The following RASAL2 variants were observed in gnomAD, a reference collection of about 807,000 sequenced individuals.
RASAL2 encodes the protein RAS protein activator like 2.
RASAL2 carries 58 observed loss-of-function variants against 128.9 expected under a neutral mutation model. The ratio of observed to expected loss-of-function variants is 0.45; its 90% CI spans 0.36 to 0.56. The LOEUF (loss-of-function observed/expected upper bound fraction) is 0.56, where lower values mean the gene tolerates loss of function less well. Ranked by LOEUF, RASAL2 falls within the 20% of genes least tolerant of loss-of-function variation. The pLI is 0.00. For synonymous variants in RASAL2, 561 were observed against 580.8 expected (o/e 0.97, Z 0.49); for missense variants, 1,360 against 1,601.6 (o/e 0.85, Z 2.57).
chr1:178,206,231 G>T (rs1027953197), intron 1 of RASAL2, among the ~76,000 whole-genome samples: 1 of 152,138 alleles, frequency 6.6e-6, no homozygotes, highest in African/African-American at 2.4e-5. Flanking sequence ...ATTCTGTTTT[G>T]TTCTTATACA....
intron 1 of RASAL2, among the ~76,000 whole-genome samples, chr1:178,144,310 T>C (rs1457778316): frequency 6.6e-6 from 1 of 152,206 alleles, no homozygotes; most frequent in East Asian, 1.9e-4. Flanking sequence ...TTTAAGACAC[T>C]TTGTGGGCTA....
At chr1:178,295,109 C>T (rs1667432635) in intron 2 of RASAL2, among the ~76,000 whole-genome samples, 1 of 152,082 alleles carries the variant, frequency 6.6e-6, no homozygotes, top group Admixed American at 6.5e-5. Context: ...TTTATATCTT[C>T]ACACTTAGTA....
chr1:178,216,039 TG>T (rs1306764083), intron 1 of RASAL2, among the ~76,000 whole-genome samples: 2 of 152,194 alleles, frequency 1.3e-5, no homozygotes, highest in Non-Finnish European at 2.9e-5. Context: ...AAAATGCTCT[TG>T]AGACTTTTTG....
At chr1:178,418,416 T>C (rs1674914635) in intron 4 of RASAL2, among the ~76,000 whole-genome samples, 1 of 152,208 alleles carries the variant, frequency 6.6e-6, no homozygotes, top group South Asian at 2.1e-4. Context: ...ATCTTCACAT[T>C]GAGCCTTTTT....
At chr1:178,199,490 A>T (rs1466125799) in intron 1 of RASAL2, among the ~76,000 whole-genome samples, 1 of 152,232 alleles carries the variant, frequency 6.6e-6, no homozygotes, top group Non-Finnish European at 1.5e-5. Context: ...TATATAAAAA[A>T]GTTCACAGGA....
chr1:178,468,580 G>A (rs1007834607), intron 17 of RASAL2, among the ~76,000 whole-genome samples: 2 of 152,212 alleles, frequency 1.3e-5, no homozygotes, highest in African/African-American at 4.8e-5. Context: ...CACTAGACTT[G>A]GAAGTCAGGT....
At position 178,094,264 on chromosome 1, in the gene RASAL2, A is replaced by C. The variant is rs1273838199; in HGVS notation, c.-229A>C. On this transcript the variant is annotated 5_prime_UTR_variant, in exon 1 of 18. Coordinates refer to ENST00000367649, the MANE Select transcript of RASAL2 (RefSeq NM_170692.4). ...CCACCCTTGGTCGGGGCCACGCTGG[A>C]TCCTCCTCCCGGCCTGGGTCCCGCC... 1.9e-6 allele frequency: 1 copy of C among 534,742 alleles called. No individual in the cohort carries two copies. The highest frequency in any genetic ancestry group is 2.0e-5 in the African/African-American group (1 of 48,838). 33.1% of individuals were successfully genotyped at this position (534,742 alleles called of 1,614,324 possible).
At chr1:178,390,044 G>T in intron 3 of RASAL2, 56 bp from the exon 4 acceptor site, 4 of 1,143,948 alleles carry the variant, frequency 3.5e-6, no homozygotes, top group Non-Finnish European at 5.1e-6. Flanking sequence ...CAGTTCAGTG[G>T]AAGATCCTAA....
intron 2 of RASAL2, among the ~76,000 whole-genome samples, chr1:178,291,976 C>T (rs1249682511): frequency 7.4e-6 from 1 of 135,322 alleles, no homozygotes; most frequent in Non-Finnish European, 1.5e-5. Context: ...GTGGAGGTTG[C>T]AGTAAGTTGA....
In RASAL2 at chr1:178,457,829, G is replaced by T; in HGVS notation, c.2537G>T (p.Arg846Leu). 6.2e-7 allele frequency: 1 copy of T among 1,614,178 alleles called. No homozygotes were observed. The highest frequency in any genetic ancestry group is 8.5e-7 in the Non-Finnish European group (1 of 1,180,034). ...AGGGAAAGTAGCCTTCCTAATGGTCGGAGCGTCTCCCTCATGGACCTCCAG... is the reference window on the plus strand; with the variant it reads ...AGGGAAAGTAGCCTTCCTAATGGTCTGAGCGTCTCCCTCATGGACCTCCAG... ...DERESSLPNG[R>L]SVSLMDLQDT... The change falls in exon 14 of 18, where the codon CGG (arginine) becomes CTG (leucine). Residue 846 changes from arginine (R) to leucine (L), a missense_variant. By Grantham distance (102) the Arg-to-Leu change is moderately radical. This residue lies in a region of RASAL2 where 741 missense variants were observed against 868.6 expected (regional missense o/e 0.85). Transcript: ENST00000367649.
chr1:178,233,178 C>T (rs188707814), intron 1 of RASAL2, among the ~76,000 whole-genome samples: 12 of 152,308 alleles, frequency 7.9e-5, no homozygotes, highest in Admixed American at 7.2e-4. Flanking sequence ...AAGAAAGCTG[C>T]TTAAGCAGTC....
At chr1:178,250,773 C>T (rs1175790023) in intron 1 of RASAL2, among the ~76,000 whole-genome samples, 1 of 152,152 alleles carries the variant, frequency 6.6e-6, no homozygotes, top group African/African-American at 2.4e-5. Flanking sequence ...TATAAGCAAA[C>T]ACCTTACTAT....
intron 3 of RASAL2, among the ~76,000 whole-genome samples, chr1:178,361,281 AT>A (rs201030571): frequency 2.0e-5 from 3 of 151,460 alleles, no homozygotes; most frequent in Non-Finnish European, 4.4e-5. Flanking sequence ...TGATTGTGGT[AT>A]TTTTTTTTCA....
At chr1:178,120,819 T>A (rs1158216045) in intron 1 of RASAL2, 2 of 152,290 alleles carry the variant, frequency 1.3e-5, no homozygotes, top group African/African-American at 2.4e-5. Context: ...CAGTTCACAG[T>A]AGGGTTCGTG....
intron 14 of RASAL2, among the ~76,000 whole-genome samples, chr1:178,460,631 C>T (rs560023550): frequency 6.6e-6 from 1 of 152,230 alleles, no homozygotes; most frequent in East Asian, 1.9e-4. Flanking sequence ...AAGTGGGGTA[C>T]AGGCACAGTG....
At chr1:178,447,782 A>G (rs1273868305) in intron 9 of RASAL2, among the ~76,000 whole-genome samples, 1 of 151,836 alleles carries the variant, frequency 6.6e-6, no homozygotes, top group Non-Finnish European at 1.5e-5. Context: ...GATATGAGAA[A>G]TATTAAGGTT....
At chr1:178,261,693 G>T (rs987938273) in intron 1 of RASAL2, among the ~76,000 whole-genome samples, 1 of 152,074 alleles carries the variant, frequency 6.6e-6, no homozygotes, top group African/African-American at 2.4e-5. Flanking sequence ...GAGGCTGGTG[G>T]ATCACGAGAT....
At chr1:178,229,782 A>G (rs933348729) in intron 1 of RASAL2, among the ~76,000 whole-genome samples, 1 of 152,208 alleles carries the variant, frequency 6.6e-6, no homozygotes, top group East Asian at 1.9e-4. Context: ...CTAACTAGAT[A>G]GAGTTCAGTG....
chr1:178,186,516 G>A (rs972070803), intron 1 of RASAL2, among the ~76,000 whole-genome samples: 8 of 152,136 alleles, frequency 5.3e-5, no homozygotes, highest in Middle Eastern at 3.4e-3. Flanking sequence ...ACTAATTATA[G>A]AATTTCATTT....
Sources: allele counts gnomAD v4.1 joint callset (sites outside exome capture counted in the v4.1 genomes callset), GRCh38; gene constraint gnomAD v4.1.1; regional missense constraint gnomAD v4.1.1; transcripts MANE v1.5; gene names NCBI Gene and HGNC (gene_info 2026-07-23, HGNC 2026-07-21).